CACNA1C: variants seen among roughly 807,000 people sequenced by gnomAD.
CACNA1C encodes calcium voltage-gated channel subunit alpha1 C, also known as voltage-dependent L-type calcium channel subunit alpha-1C.
In CACNA1C, 30 loss-of-function variants were observed where a neutral mutation model predicts 229.0. The observed-to-expected ratio is 0.13, with a 90% CI of 0.10 to 0.18. CACNA1C has a LOEUF of 0.18. Ranked by LOEUF, CACNA1C falls within the 10% of genes least tolerant of loss-of-function variation. The probability of loss-of-function intolerance (pLI) is 1.00; values close to 1 mark genes in which losing one functional copy is unlikely to be tolerated. For missense variants in CACNA1C, 1,658 were observed against 2,845.0 expected (o/e 0.58, Z 9.49); for synonymous variants, 1,114 against 1,132.5 (o/e 0.98, Z 0.33).
intron 3 of CACNA1C, among the ~76,000 whole-genome samples, chr12:2,432,662 A>C (rs2099097538): frequency 1.3e-5 from 2 of 152,216 alleles, no homozygotes. Flanking sequence ...CAGAAAAGGC[A>C]TAAGTGCAAT....
chr12:2,635,098 C>T (rs1191150029), intron 30 of CACNA1C, among the ~76,000 whole-genome samples: 1 of 152,154 alleles, frequency 6.6e-6, no homozygotes, highest in Admixed American at 6.5e-5. Context: ...GACCTTTCCT[C>T]CTAGTTGCTG....
chr12:2,456,430 A>G (rs1416776992), intron 4 of CACNA1C, among the ~76,000 whole-genome samples: 1 of 152,006 alleles, frequency 6.6e-6, no homozygotes, highest in African/African-American at 2.4e-5. Flanking sequence ...AAGTCCCCCA[A>G]TGGCTTCTGT....
Position 2,630,256 on chromosome 12 carries a change from AT to A in CACNA1C, c.3829-4034del, listed in dbSNP as rs35860731. 1.3e-5 allele frequency among the ~76,000 whole-genome samples: 2 copies of A among 152,040 alleles called. No individual in the cohort carries two copies. Among genetic ancestry groups the A allele is most frequent in the African/African-American group, 2.4e-5 (1 of 41,372 alleles). ...AGACTGATTTCGTAAGACGTGTATG[AT>A]TTTTTTCCCACCCTCCCTTCTCCAT... On this transcript the variant is annotated intron_variant, in intron 29 of 46. Coordinates refer to ENST00000399655, the MANE Select transcript of CACNA1C (RefSeq NM_000719.7). The surrounding 1 kb of genome is among the most constrained non-coding windows in gnomAD (Gnocchi z 5.4).
At chr12:2,135,905 C>T (rs1163729388) in intron 3 of CACNA1C, among the ~76,000 whole-genome samples, 1 of 149,010 alleles carries the variant, frequency 6.7e-6, no homozygotes, top group Non-Finnish European at 1.5e-5. Context: ...CCTCCCCCAG[C>T]CTCGCTGCCG....
In CACNA1C at chr12:2,054,317, G is replaced by C. The variant is rs1422038545; in HGVS notation, c.49+706G>C. Among the ~76,000 whole-genome samples, 1 of 152,178 alleles carries C rather than the reference G, an allele frequency of 6.6e-6. No individual in the cohort carries two copies. The highest frequency in any genetic ancestry group is 2.4e-5 in the African/African-American group (1 of 41,450). ...TTGACCCCGAGCGCGCCCACGCCGCGTGTGTTCTCATTCGCACCCACATGT... is the reference window on the plus strand; with the variant it reads ...TTGACCCCGAGCGCGCCCACGCCGCCTGTGTTCTCATTCGCACCCACATGT... On this transcript the variant is annotated intron_variant, in intron 1 of 46. Transcript: ENST00000399655. The surrounding 1 kb of genome is among the most constrained non-coding windows in gnomAD (Gnocchi z 5.5).
At chr12:2,267,188 T>C (rs1315588823) in intron 3 of CACNA1C, among the ~76,000 whole-genome samples, 1 of 152,142 alleles carries the variant, frequency 6.6e-6, no homozygotes, top group Non-Finnish European at 1.5e-5. Flanking sequence ...GAAATGTTCA[T>C]GCAGTCAAGG....
intron 3 of CACNA1C, among the ~76,000 whole-genome samples, chr12:2,252,062 A>T (rs1362285361): frequency 6.6e-6 from 1 of 152,162 alleles, no homozygotes; most frequent in Non-Finnish European, 1.5e-5. Context: ...TGTGTAGCCC[A>T]CTCCATGTCT....
chr12:2,047,002 C>T (rs2051186052), intron 1 of CACNA1C, among the ~76,000 whole-genome samples: 1 of 152,212 alleles, frequency 6.6e-6, no homozygotes, highest in South Asian at 2.1e-4. Context: ...CAGCTTTGCT[C>T]TCTGAACCGT....
At chr12:2,267,128 C>A (rs80284141) in intron 3 of CACNA1C, among the ~76,000 whole-genome samples, 6,742 of 152,186 alleles carry the variant, frequency 0.044, 171 homozygotes, top group Middle Eastern at 0.065. Context: ...TATTGCCCGG[C>A]GCTGTGTTTC....
chr12:2,342,898 C>A (rs974610302), intron 3 of CACNA1C, among the ~76,000 whole-genome samples: 7 of 152,320 alleles, frequency 4.6e-5, no homozygotes, highest in African/African-American at 1.7e-4. Flanking sequence ...ATCAGTGAAT[C>A]TTTGTGATAA....
At chr12:2,303,466 T>G (rs1010885876) in intron 3 of CACNA1C, among the ~76,000 whole-genome samples, 1 of 152,100 alleles carries the variant, frequency 6.6e-6, no homozygotes, top group African/African-American at 2.4e-5. Context: ...CTTAACCTCT[T>G]TTAATACCCT....
intron 3 of CACNA1C, among the ~76,000 whole-genome samples, chr12:2,300,299 T>C (rs2154472585): frequency 6.6e-6 from 1 of 152,318 alleles, no homozygotes; most frequent in East Asian, 1.9e-4. Flanking sequence ...TTTGCTCAGC[T>C]TTGTGCTTGG....
At chr12:2,222,334 CTTGGAG>C (rs1351372575) in intron 3 of CACNA1C, 2 of 152,164 alleles carry the variant, frequency 1.3e-5, no homozygotes, top group Admixed American at 6.5e-5. Context: ...AGTCAGAAGA[CTTGGAG>C]TTGGAGTCCC....
intron 1 of CACNA1C, among the ~76,000 whole-genome samples, chr12:2,076,791 G>C (rs1426952902): frequency 6.6e-6 from 1 of 152,208 alleles, no homozygotes; most frequent in Admixed American, 6.5e-5. Context: ...GGACTTGTTA[G>C]ACGGGTCACC....
At chr12:2,303,547 T>G (rs1215383902) in intron 3 of CACNA1C, among the ~76,000 whole-genome samples, 1 of 152,102 alleles carries the variant, frequency 6.6e-6, no homozygotes, top group Non-Finnish European at 1.5e-5. Context: ...GGAGGATCAC[T>G]TGAGACCAGG....
intron 1 of CACNA1C, among the ~76,000 whole-genome samples, chr12:2,010,281 T>C (rs2044177123): frequency 6.6e-6 from 1 of 152,194 alleles, no homozygotes; most frequent in South Asian, 2.1e-4. Context: ...AGCTCTTTGT[T>C]CTGCAGGGTT....
At position 2,410,791 on chromosome 12, in the gene CACNA1C, G is replaced by C. The variant is rs1222771573; in HGVS notation, c.478-38185G>C. On this transcript the variant is annotated intron_variant, in intron 3 of 46. Coordinates refer to ENST00000399655, the MANE Select transcript of CACNA1C (RefSeq NM_000719.7). This position sits in a 1 kb window ranked among gnomAD's most constrained non-coding sequence, Gnocchi z 5.3. Reference sequence around the variant, plus strand: ...CTAGTTGTCAGGATGGCTCCCCTGTGTGTGTATATGTGTGTGTGTGCGTGT... The same window carrying C: ...CTAGTTGTCAGGATGGCTCCCCTGTCTGTGTATATGTGTGTGTGTGCGTGT... 6.7e-6 allele frequency among the ~76,000 whole-genome samples: 1 copy of C among 149,120 alleles called. No individual in the cohort carries two copies. The highest frequency in any genetic ancestry group is 2.2e-4 in the South Asian group (1 of 4,644).
At chr12:2,294,516 G>A (rs1477863329) in intron 3 of CACNA1C, among the ~76,000 whole-genome samples, 5 of 151,958 alleles carry the variant, frequency 3.3e-5, no homozygotes, top group Non-Finnish European at 5.9e-5. Flanking sequence ...GGCGGGGGAG[G>A]CTGGCCAGGA....
rs115199001 is a variant in CACNA1C, at chr12:2,495,981, C to G, written c.1113+2595C>G. On this transcript the variant is annotated intron_variant, in intron 7 of 46. Coordinates refer to ENST00000399655, the MANE Select transcript of CACNA1C (RefSeq NM_000719.7). ...TCTTCCTCCCTCTCCCTCTTCCTTTCTCTCCAGTGTCCCTCCTCCTTAGCT... is the reference window on the plus strand; with the variant it reads ...TCTTCCTCCCTCTCCCTCTTCCTTTGTCTCCAGTGTCCCTCCTCCTTAGCT... Among the ~76,000 whole-genome samples the G allele has an allele frequency of 2.8e-3, 432 of 152,336 alleles. 5 individuals carry two copies. Among genetic ancestry groups the G allele is most frequent in the African/African-American group, 9.8e-3 (409 of 41,584 alleles).
Sources: allele counts gnomAD v4.1 joint callset (sites outside exome capture counted in the v4.1 genomes callset), GRCh38; gene constraint gnomAD v4.1.1; non-coding constraint Gnocchi (gnomAD v3.1); transcripts MANE v1.5; gene names NCBI Gene and HGNC (gene_info 2026-07-23, HGNC 2026-07-21).